The following HMGXB3 variants were observed in gnomAD, a reference collection of about 807,000 sequenced individuals.
HMGXB3 encodes HMG-box containing 3.
A neutral mutation model predicts 121.5 loss-of-function variants in HMGXB3; 45 were observed. The ratio of observed to expected loss-of-function variants is 0.37; its 90% CI spans 0.29 to 0.47. The LOEUF is 0.47. Among genes scored for constraint, HMGXB3 ranks in the 20% least tolerant of loss-of-function variants. The pLI, the probability that HMGXB3 is intolerant of heterozygous loss-of-function variation, is 0.99. For missense variants in HMGXB3, 1,376 were observed against 1,602.2 expected (o/e 0.86, Z 2.41); for synonymous variants, 590 against 624.1 (o/e 0.95, Z 0.81).
intron 11 of HMGXB3, 44 bp from the exon 12 acceptor site, chr5:150,036,592 C>T (rs1756505055): frequency 1.6e-5 from 23 of 1,466,640 alleles, no homozygotes; most frequent in Non-Finnish European, 2.1e-5. Context: ...GAAGCTGGCT[C>T]TTTCTGCTCT....
Position 150,026,793 on chromosome 5 carries a change from C to G in HMGXB3, c.1548C>G (p.Pro516=). 2 of 1,548,610 alleles carry G rather than the reference C, an allele frequency of 1.3e-6. No individual in the cohort carries two copies. The highest frequency in any genetic ancestry group is 2.0e-5 in the Admixed American group (1 of 50,186). Residue 516 remains proline (P), a synonymous_variant, in exon 8 of 20, where the codon CCC becomes CCG. Transcript: ENST00000502717. The part of the protein sequence containing the change: ...GKPSLLAAAR[P]MRAILPAPVN... ...CCTCATTACTGGCTGCAGCAAGACC[C>G]ATGAGAGCAATTTTGCCAGCCCCAG...
intron 4 of HMGXB3, among the ~76,000 whole-genome samples, chr5:150,011,196 A>T (rs1755827988): frequency 6.6e-6 from 1 of 152,208 alleles, no homozygotes; most frequent in African/African-American, 2.4e-5. Flanking sequence ...GTAGGAAGAA[A>T]AAAGTTATCT....
At chr5:150,007,386 G>A (rs1259041538) in intron 3 of HMGXB3, among the ~76,000 whole-genome samples, 1 of 152,106 alleles carries the variant, frequency 6.6e-6, no homozygotes, top group Non-Finnish European at 1.5e-5. Flanking sequence ...ATTCCTGCAG[G>A]AAGAATAACC....
intron 13 of HMGXB3, among the ~76,000 whole-genome samples, chr5:150,039,729 T>A (rs1756581949): frequency 6.6e-6 from 1 of 151,550 alleles, no homozygotes; most frequent in African/African-American, 2.4e-5. Context: ...CTTTTACATT[T>A]GTACCTGGTG....
chr5:150,003,072 G>A (rs554406232), intron 1 of HMGXB3, among the ~76,000 whole-genome samples: 2 of 152,312 alleles, frequency 1.3e-5, no homozygotes, highest in South Asian at 2.1e-4. Context: ...GAGCCTGGGA[G>A]GTGGAGACTG....
intron 5 of HMGXB3, among the ~76,000 whole-genome samples, chr5:150,017,269 T>G (rs781711052): frequency 2.0e-5 from 3 of 152,332 alleles, no homozygotes; most frequent in Non-Finnish European, 2.9e-5. Flanking sequence ...TCTTAAATTT[T>G]TACTCTGCTT....
At chr5:150,006,736 C>T (rs983521287) in intron 3 of HMGXB3, 89 bp downstream of exon 3, 6 of 1,200,020 alleles carry the variant, frequency 5.0e-6, no homozygotes, top group Non-Finnish European at 6.9e-6. Flanking sequence ...GTTTCCTTTT[C>T]TTTTTTTGGG....
At chr5:150,030,928 G>A in intron 10 of HMGXB3, 89 bp downstream of exon 10, 1 of 892,796 alleles carries the variant, frequency 1.1e-6, no homozygotes, top group Non-Finnish European at 1.8e-6. Flanking sequence ...GGGAGAGGGT[G>A]GTGGTAGCTG....
At chr5:150,043,781 A>G (rs1403238673) in intron 15 of HMGXB3, among the ~76,000 whole-genome samples, 1 of 152,234 alleles carries the variant, frequency 6.6e-6, no homozygotes, top group Non-Finnish European at 1.5e-5. Flanking sequence ...TAGGCACTGA[A>G]GCCCAAGGGC....
At chr5:150,037,561 C>A in intron 13 of HMGXB3, 34 bp downstream of exon 13, 4 of 1,478,226 alleles carry the variant, frequency 2.7e-6, no homozygotes, top group Non-Finnish European at 3.6e-6. Flanking sequence ...TCAGAGCATC[C>A]CAAAGCAGGC....
chr5:150,021,510 A>C, intron 6 of HMGXB3: 1 of 326,464 alleles, frequency 3.1e-6, no homozygotes, highest in Non-Finnish European at 6.0e-6. Flanking sequence ...ACTATCTTAA[A>C]ACATTGAGAT....
At chr5:150,006,724 C>A in intron 3 of HMGXB3, 77 bp downstream of exon 3, 1 of 1,267,190 alleles carries the variant, frequency 7.9e-7, no homozygotes, top group Non-Finnish European at 1.1e-6. Flanking sequence ...GCCCCTTGTT[C>A]TGTTTCCTTT....
At chr5:150,032,916 C>G (rs1198215652) in intron 11 of HMGXB3, among the ~76,000 whole-genome samples, 2 of 152,180 alleles carry the variant, frequency 1.3e-5, no homozygotes, top group Non-Finnish European at 2.9e-5. Flanking sequence ...CATCCTCTTA[C>G]CGCTGAGGCC....
chr5:150,011,778 ATT>A (rs372705667), intron 4 of HMGXB3, among the ~76,000 whole-genome samples: 4 of 140,940 alleles, frequency 2.8e-5, no homozygotes, highest in Non-Finnish European at 3.1e-5. Context: ...TAATTTTTGT[ATT>A]TTTTTTTTTT....
At chr5:150,039,244 CAT>C (rs1756568512) in intron 13 of HMGXB3, among the ~76,000 whole-genome samples, 1 of 152,208 alleles carries the variant, frequency 6.6e-6, no homozygotes, top group Non-Finnish European at 1.5e-5. Context: ...GAAATTTTGA[CAT>C]GCCTAACAAT....
intron 9 of HMGXB3, among the ~76,000 whole-genome samples, chr5:150,029,677 T>G (rs1258288119): frequency 6.6e-6 from 1 of 152,226 alleles, no homozygotes; most frequent in African/African-American, 2.4e-5. Flanking sequence ...ACCTGTAGTT[T>G]GAAAACTGTG....
At chr5:150,021,185 C>T (rs567964117) in intron 6 of HMGXB3, among the ~76,000 whole-genome samples, 1 of 152,330 alleles carries the variant, frequency 6.6e-6, no homozygotes, top group East Asian at 1.9e-4. Flanking sequence ...AGAGTAGATA[C>T]TGTGATTTCT....
chr5:150,034,131 A>G (rs556157217), intron 11 of HMGXB3, among the ~76,000 whole-genome samples: 13 of 152,296 alleles, frequency 8.5e-5, no homozygotes, highest in African/African-American at 2.4e-4. Flanking sequence ...TGCATGCAAA[A>G]TGGGTCCGTA....
intron 6 of HMGXB3, among the ~76,000 whole-genome samples, chr5:150,023,011 T>G (rs1756139131): frequency 1.1e-5 from 1 of 88,956 alleles, no homozygotes; most frequent in Non-Finnish European, 2.2e-5. Context: ...TTTTTTTTTG[T>G]AGAGATGTGG....
Sources: allele counts gnomAD v4.1 joint callset (sites outside exome capture counted in the v4.1 genomes callset), GRCh38; gene constraint gnomAD v4.1.1; transcripts MANE v1.5; gene names NCBI Gene and HGNC (gene_info 2026-07-23, HGNC 2026-07-21).